Variants in MILR1 observed in about 807,000 individuals in gnomAD.
MILR1 encodes the protein allergin-1.
In MILR1, 31 loss-of-function variants were observed where a neutral mutation model predicts 18.5. The ratio of observed to expected loss-of-function variants is 1.68; its 90% CI spans 1.26 to 2.26. The LOEUF (loss-of-function observed/expected upper bound fraction) is 2.26, where lower values mean the gene tolerates loss of function less well. Ranked by LOEUF, MILR1 falls within the 30% of genes most tolerant of loss-of-function variation. The pLI is 0.00. For missense variants in MILR1, 257 were observed against 157.4 expected (o/e 1.63, Z -3.38); for synonymous variants, 85 against 56.2 (o/e 1.51, Z -2.30).
chr17:64,453,479 G>A (rs2144012695), intron 3 of MILR1, among the ~76,000 whole-genome samples: 1 of 150,352 alleles, frequency 6.7e-6, no homozygotes, highest in African/African-American at 2.4e-5. Flanking sequence ...AACAATAATT[G>A]TGGAGGTCTT....
At chr17:64,456,113 C>A (rs1291407831) in intron 3 of MILR1, among the ~76,000 whole-genome samples, 1 of 152,006 alleles carries the variant, frequency 6.6e-6, no homozygotes, top group Non-Finnish European at 1.5e-5. Context: ...CCCAACTCGG[C>A]CATTTACTAG....
intron 5 of MILR1, among the ~76,000 whole-genome samples, chr17:64,463,434 G>A (rs2037475456): frequency 6.6e-6 from 1 of 152,190 alleles, no homozygotes; most frequent in South Asian, 2.1e-4. Context: ...TTGGGTCTCA[G>A]CACTGGCCCC....
chr17:64,469,992 C>T (rs1202986265), downstream of MILR1, among the ~76,000 whole-genome samples: 1 of 152,032 alleles, frequency 6.6e-6, no homozygotes, highest in Non-Finnish European at 1.5e-5. Context: ...CAGGGGACAA[C>T]GAGGAGTGAC....
the MILR1 span, among the ~76,000 whole-genome samples, chr17:64,479,183 GTTTTT>G: frequency 7.9e-6 from 1 of 126,920 alleles, no homozygotes. Context: ...TCTGAAAGGT[GTTTTT>G]TTTTTTTTTT....
chr17:64,453,926 T>C (rs1423793910), intron 3 of MILR1, among the ~76,000 whole-genome samples: 2 of 152,072 alleles, frequency 1.3e-5, no homozygotes, highest in African/African-American at 4.8e-5. Context: ...TTGTTTTATT[T>C]TATTTCTTTT....
At chr17:64,490,831 A>G in the MILR1 span, 10 of 1,613,564 alleles carry the variant, frequency 6.2e-6, no homozygotes, top group Non-Finnish European at 8.5e-6. Context: ...TACATGTGTA[A>G]AAGTTCGTGA....
the MILR1 span, among the ~76,000 whole-genome samples, chr17:64,494,945 G>A: frequency 1.3e-5 from 2 of 152,056 alleles, no homozygotes; most frequent in African/African-American, 2.4e-5. Context: ...AGGCCGAGGC[G>A]GGCGGATCAC....
chr17:64,491,951 C>T, the MILR1 span, among the ~76,000 whole-genome samples: 1 of 145,266 alleles, frequency 6.9e-6, no homozygotes, highest in Non-Finnish European at 1.5e-5. Flanking sequence ...AAAAAAAAAC[C>T]AAAAACAGAC....
At chr17:64,491,279 T>G in the MILR1 span, among the ~76,000 whole-genome samples, 1 of 152,092 alleles carries the variant, frequency 6.6e-6, no homozygotes. Context: ...GACCACAGGT[T>G]GCTGAAATTT....
chr17:64,484,885 C>T, the MILR1 span, among the ~76,000 whole-genome samples: 1 of 152,100 alleles, frequency 6.6e-6, no homozygotes, highest in African/African-American at 2.4e-5. Context: ...TTTGTTAAAA[C>T]TTTTGATTTG....
the MILR1 span, chr17:64,478,020 GC>G: frequency 6.2e-6 from 10 of 1,603,208 alleles, no homozygotes; most frequent in Non-Finnish European, 8.5e-6. Flanking sequence ...AGACACATGA[GC>G]ACAAATGTAA....
At chr17:64,480,708 A>G in the MILR1 span, among the ~76,000 whole-genome samples, 1 of 152,218 alleles carries the variant, frequency 6.6e-6, no homozygotes, top group African/African-American at 2.4e-5. Flanking sequence ...TTCTGTCAGA[A>G]AAAAACCAGG....
chr17:64,492,784 A>G, the MILR1 span: 2 of 1,602,008 alleles, frequency 1.2e-6, no homozygotes, highest in Admixed American at 1.7e-5. Flanking sequence ...TTTAGATATA[A>G]AACGTATCAG....
chr17:64,455,204 T>C (rs2037262298), intron 3 of MILR1, among the ~76,000 whole-genome samples: 1 of 152,178 alleles, frequency 6.6e-6, no homozygotes, highest in Non-Finnish European at 1.5e-5. Context: ...CATATGTTTT[T>C]TGTGCACGAC....
the MILR1 span, chr17:64,492,519 A>T: frequency 1.9e-5 from 12 of 627,790 alleles, no homozygotes; most frequent in Non-Finnish European, 3.1e-5. Context: ...AGAACAATGA[A>T]AATTGTTACA....
chr17:64,454,435 C>G (rs2037244658), intron 3 of MILR1, among the ~76,000 whole-genome samples: 5 of 152,174 alleles, frequency 3.3e-5, no homozygotes, highest in Non-Finnish European at 7.3e-5. Context: ...CCTCCACAGT[C>G]TCAGTTACAT....
chr17:64,449,533 A>AT (rs1355029185), intron 2 of MILR1, among the ~76,000 whole-genome samples, 178 bp downstream of exon 2: 2 of 152,104 alleles, frequency 1.3e-5, no homozygotes, highest in African/African-American at 2.4e-5. Flanking sequence ...GGATTGCAGC[A>AT]TTTTTTTCTG....
chr17:64,453,536 C>CATTTTT, intron 3 of MILR1, among the ~76,000 whole-genome samples: 1 of 101,038 alleles, frequency 9.9e-6, no homozygotes, highest in African/African-American at 3.5e-5. Flanking sequence ...GCAAAAATCG[C>CATTTTT]TTTTTTTTTT....
At chr17:64,474,968 C>G in the MILR1 span, among the ~76,000 whole-genome samples, 1 of 151,998 alleles carries the variant, frequency 6.6e-6, no homozygotes, top group Admixed American at 6.6e-5. Context: ...CTGAGGTGGG[C>G]AGATCACCTG....
Sources: allele counts gnomAD v4.1 joint callset (sites outside exome capture counted in the v4.1 genomes callset), GRCh38; gene constraint gnomAD v4.1.1; transcripts MANE v1.5; gene names NCBI Gene and HGNC (gene_info 2026-07-23, HGNC 2026-07-21).